The following TXLNB variants were observed in gnomAD, a reference collection of about 807,000 sequenced individuals.
The protein encoded by TXLNB is taxilin beta.
A neutral mutation model predicts 57.4 loss-of-function variants in TXLNB; 37 were observed. That is an observed-to-expected ratio of 0.64 (90% CI 0.50 to 0.85). The LOEUF is 0.85. Ranked by LOEUF, TXLNB falls within the 40% of genes least tolerant of loss-of-function variation. The pLI is 0.00. For missense variants in TXLNB, 848 were observed against 825.6 expected (o/e 1.03, Z -0.33); for synonymous variants, 302 against 309.6 (o/e 0.98, Z 0.26).
intron 3 of TXLNB, among the ~76,000 whole-genome samples, chr6:139,274,690 G>GAA (rs1317408504): frequency 3.9e-5 from 6 of 152,098 alleles, no homozygotes; most frequent in African/African-American, 1.4e-4. Flanking sequence ...GGTAAGTCTG[G>GAA]AAAAGTGATG....
At chr6:139,321,565 A>G in the TXLNB span, among the ~76,000 whole-genome samples, 1 of 119,298 alleles carries the variant, frequency 8.4e-6, no homozygotes, top group East Asian at 2.3e-4. Context: ...TTTTTAATCT[A>G]TGGAGACTTC....
chr6:139,169,259 T>G, the TXLNB span, among the ~76,000 whole-genome samples: 6 of 152,072 alleles, frequency 3.9e-5, no homozygotes, highest in Admixed American at 3.3e-4. Flanking sequence ...GAGAACTCCT[T>G]TATTTTATAT....
chr6:139,247,082 T>G (rs1451872894), intron 8 of TXLNB, among the ~76,000 whole-genome samples: 1 of 152,214 alleles, frequency 6.6e-6, no homozygotes, highest in African/African-American at 2.4e-5. Context: ...AAGGTTCTTA[T>G]AAGATGGTAT....
At chr6:139,193,499 A>G in the TXLNB span, among the ~76,000 whole-genome samples, 10 of 151,870 alleles carry the variant, frequency 6.6e-5, no homozygotes, top group Non-Finnish European at 1.2e-4. Context: ...TCCCTGTTTC[A>G]TAAGTGGATC....
intron 6 of TXLNB, among the ~76,000 whole-genome samples, chr6:139,260,002 C>T (rs1205706779): frequency 6.6e-6 from 1 of 152,094 alleles, no homozygotes; most frequent in Non-Finnish European, 1.5e-5. Context: ...GAAGGCGGAT[C>T]ACCTGAGGTC....
At chr6:139,239,294 T>C (rs931786401), downstream of TXLNB, 1 of 152,138 alleles carries the variant, frequency 6.6e-6, no homozygotes, top group Admixed American at 6.5e-5. The surrounding 1 kb of genome is among the most constrained non-coding windows in gnomAD (Gnocchi z 4.7). Context: ...CCTTCTACGC[T>C]TCCTCCCTTC....
chr6:139,180,718 A>G, the TXLNB span: 2 of 152,660 alleles, frequency 1.3e-5, no homozygotes, highest in Non-Finnish European at 2.9e-5. Context: ...AAATTGAAAC[A>G]TTTGGTTGTG....
intron 7 of TXLNB, among the ~76,000 whole-genome samples, chr6:139,251,793 A>G (rs1776213091): frequency 6.6e-6 from 1 of 152,252 alleles, no homozygotes. Flanking sequence ...TCCAGGAATC[A>G]TCTTGGTGAA....
chr6:139,262,563 T>C lies in TXLNB; in HGVS notation c.882+16A>G. 6.2e-7 allele frequency: 1 copy of C among 1,606,366 alleles called. No individual in the cohort carries two copies. Among genetic ancestry groups the C allele is most frequent in the Admixed American group, 1.7e-5 (1 of 58,874 alleles). The stretch of plus-strand genomic sequence containing the variant: ...GGATCTATGTACTGTTCTAAGTTGT[T>C]TGATGTGGTTCTCACCTCCTCTCTG... On this transcript the variant is annotated intron_variant, in intron 5 of 9. Coordinates refer to ENST00000358430, the MANE Select transcript of TXLNB (RefSeq NM_153235.4).
the TXLNB span, among the ~76,000 whole-genome samples, chr6:139,187,673 G>A: frequency 6.6e-6 from 1 of 152,212 alleles, no homozygotes; most frequent in Admixed American, 6.5e-5. Flanking sequence ...ACCATATGCA[G>A]ATGGTGCCTG....
chr6:139,182,025 T>G, the TXLNB span, among the ~76,000 whole-genome samples: 1 of 152,354 alleles, frequency 6.6e-6, no homozygotes, highest in East Asian at 1.9e-4. Context: ...ATCGTATGCT[T>G]CTTCATTATA....
the TXLNB span, among the ~76,000 whole-genome samples, chr6:139,215,385 C>T: frequency 3.3e-5 from 5 of 152,176 alleles, no homozygotes; most frequent in Non-Finnish European, 5.9e-5. Flanking sequence ...AAAGGATTCC[C>T]TATTTAATAA....
intron 3 of TXLNB, among the ~76,000 whole-genome samples, chr6:139,275,466 C>A (rs1776872287): frequency 6.6e-6 from 1 of 152,132 alleles, no homozygotes; most frequent in East Asian, 1.9e-4. Flanking sequence ...TTGTATTTTA[C>A]ATGAGGGATT....
chr6:139,217,650 C>CT, the TXLNB span, among the ~76,000 whole-genome samples: 1 of 151,894 alleles, frequency 6.6e-6, no homozygotes, highest in Non-Finnish European at 1.5e-5. Context: ...GGGCAGATCA[C>CT]GAGCTCAGAA....
Position 139,242,411 on chromosome 6 carries a change from G to T in TXLNB, c.*115C>A. The T allele has an allele frequency of 1.2e-6, 1 of 843,390 alleles. No homozygotes were observed. The highest frequency in any genetic ancestry group is 1.7e-6 in the Non-Finnish European group (1 of 603,208). The allele number at this position is 843,390 out of a possible 1,614,324, so 52.2% of individuals were successfully genotyped here. A position where few individuals can be genotyped will look rare whatever the true frequency, so the allele number is the denominator to read the frequency against. On this transcript the variant is annotated 3_prime_UTR_variant, in exon 10 of 10. Coordinates refer to ENST00000358430, the MANE Select transcript of TXLNB (RefSeq NM_153235.4). ...TCTGCCTAACATTAAAAAATGTCTTGATCCTAAGTCTCTTCCATTTGACAT... is the reference window on the plus strand; with the variant it reads ...TCTGCCTAACATTAAAAAATGTCTTTATCCTAAGTCTCTTCCATTTGACAT...
the TXLNB span, among the ~76,000 whole-genome samples, chr6:139,205,537 T>C: frequency 3.4e-5 from 5 of 147,410 alleles, no homozygotes; most frequent in African/African-American, 1.0e-4. Flanking sequence ...CAAAATGGAG[T>C]GGAAAGTTTC....
the TXLNB span, among the ~76,000 whole-genome samples, chr6:139,315,554 AT>A: frequency 6.6e-6 from 1 of 152,272 alleles, no homozygotes; most frequent in Non-Finnish European, 1.5e-5. Flanking sequence ...CTGGCTGCGA[AT>A]AGTACTCATA....
intron 8 of TXLNB, among the ~76,000 whole-genome samples, chr6:139,245,709 T>TGTTGTTTGTTTTTCACTCTTTTGCC (rs1490580263): frequency 1.3e-5 from 2 of 152,190 alleles, no homozygotes; most frequent in Non-Finnish European, 2.9e-5. Flanking sequence ...TCTTTTTTGT[T>TGTTGTTTGTTTTTCACTCTTTTGCC]GTTGTTTGTT....
the TXLNB span, among the ~76,000 whole-genome samples, chr6:139,215,256 A>AT: frequency 0.36 from 54,214 of 150,078 alleles, 10,761 homozygotes; most frequent in African/African-American, 0.54. Context: ...ACCAAAACAG[A>AT]GATACTGGTA....
Sources: allele counts gnomAD v4.1 joint callset (sites outside exome capture counted in the v4.1 genomes callset), GRCh38; gene constraint gnomAD v4.1.1; non-coding constraint Gnocchi (gnomAD v3.1); transcripts MANE v1.5; gene names NCBI Gene and HGNC (gene_info 2026-07-23, HGNC 2026-07-21).